The following BMPR1B variants were observed in gnomAD, a reference collection of about 807,000 sequenced individuals.
BMPR1B encodes the protein bone morphogenetic protein receptor type-1B.
BMPR1B carries 12 observed loss-of-function variants against 59.1 expected under a neutral mutation model. That is an observed-to-expected ratio of 0.20 (90% CI 0.13 to 0.33). The LOEUF is 0.33. BMPR1B is among the 10% of genes least tolerant of loss of function. BMPR1B has a pLI of 1.00. For missense variants in BMPR1B, 550 were observed against 610.9 expected (o/e 0.90, Z 1.05); for synonymous variants, 237 against 207.3 (o/e 1.14, Z -1.23).
chr4:95,116,569 A>G (rs1732080518), intron 6 of BMPR1B, among the ~76,000 whole-genome samples: 2 of 151,748 alleles, frequency 1.3e-5, no homozygotes, highest in African/African-American at 4.8e-5. Flanking sequence ...AATCTTTCCA[A>G]CAAAACATAA....
At chr4:94,888,842 T>C (rs537351798) in intron 2 of BMPR1B, among the ~76,000 whole-genome samples, 165 of 152,202 alleles carry the variant, frequency 1.1e-3, no homozygotes, top group African/African-American at 3.5e-3. Context: ...ATTAATGATA[T>C]ACTTCTAATA....
chr4:95,152,892 C>T (rs778243620), intron 12 of BMPR1B, 119 bp downstream of exon 12: 44 of 1,231,702 alleles, frequency 3.6e-5, no homozygotes, highest in South Asian at 6.6e-5. Flanking sequence ...ATGGTGATGG[C>T]GCCTCATTGC....
At chr4:95,049,961 T>C (rs1312692909) in intron 3 of BMPR1B, among the ~76,000 whole-genome samples, 2 of 152,078 alleles carry the variant, frequency 1.3e-5, no homozygotes, top group Non-Finnish European at 2.9e-5. Flanking sequence ...ATTCTGTCTT[T>C]AACTTTCAGC....
chr4:95,038,950 AT>A (rs1725453935), intron 3 of BMPR1B, among the ~76,000 whole-genome samples: 1 of 152,184 alleles, frequency 6.6e-6, no homozygotes, highest in African/African-American at 2.4e-5. Context: ...AAACCTTAGG[AT>A]AACTCACTGC....
intron 10 of BMPR1B, among the ~76,000 whole-genome samples, chr4:95,133,887 T>TG (rs889379902): frequency 1.5e-3 from 233 of 151,938 alleles, no homozygotes; most frequent in African/African-American, 5.4e-3. Flanking sequence ...TGTTTTTTTT[T>TG]TCATTATACT....
intron 3 of BMPR1B, among the ~76,000 whole-genome samples, chr4:95,024,531 T>C (rs749866124): frequency 3.9e-5 from 6 of 152,328 alleles, no homozygotes; most frequent in Non-Finnish European, 8.8e-5. Context: ...AAGGGCTTAT[T>C]GTCACATCAT....
intron 1 of BMPR1B, among the ~76,000 whole-genome samples, chr4:94,846,695 A>T (rs1433868115): frequency 6.6e-6 from 1 of 152,064 alleles, no homozygotes; most frequent in African/African-American, 2.4e-5. Context: ...ACTCCCCTTT[A>T]TATGTATATA....
rs1724896466 is a variant in BMPR1B at position 94,838,109 on chromosome 4, C to T, written c.-182-37722C>T. Among the ~76,000 whole-genome samples the T allele has an allele frequency of 1.4e-5, 2 of 144,056 alleles. 1 individual carries two copies. The highest frequency in any genetic ancestry group is 4.6e-4 in the South Asian group (2 of 4,366). 94.5% of individuals were successfully genotyped at this position (144,056 alleles called of 152,430 possible). On this transcript the variant is annotated intron_variant, in intron 1 of 12. Coordinates refer to ENST00000515059, the MANE Select transcript of BMPR1B (RefSeq NM_001203.3). ...CAGTCTTGCATCCCAGGGATGAAGC[C>T]CACTTAATCATGGTGGATAAGCTTT...
chr4:95,084,685 C>T (rs1359961821), intron 3 of BMPR1B, among the ~76,000 whole-genome samples: 1 of 152,226 alleles, frequency 6.6e-6, no homozygotes, highest in Non-Finnish European at 1.5e-5. Flanking sequence ...TGCGGCATTA[C>T]TACATTACAG....
chr4:94,845,985 A>G (rs1725309808), intron 1 of BMPR1B, among the ~76,000 whole-genome samples: 1 of 152,228 alleles, frequency 6.6e-6, no homozygotes, highest in Admixed American at 6.5e-5. Context: ...AGAAAATTTC[A>G]GTGGAACAGA....
intron 3 of BMPR1B, among the ~76,000 whole-genome samples, chr4:95,057,393 C>T (rs149627466): frequency 9.5e-4 from 144 of 152,152 alleles, no homozygotes; most frequent in South Asian, 1.7e-3. Flanking sequence ...TACAGGCACA[C>T]GCCACCACGC....
In BMPR1B at chr4:94,821,214, A is replaced by G. The variant is rs1275026578; in HGVS notation, c.-182-54617A>G. 2.0e-5 allele frequency among the ~76,000 whole-genome samples: 3 copies of G among 152,192 alleles called. No homozygotes were observed. In the East Asian group the frequency reaches 5.8e-4, roughly 29 times the overall value. On this transcript the variant is annotated intron_variant, in intron 1 of 12. Transcript: ENST00000515059. ...TTCTTTTGAAATTAAATTTATTGCC[A>G]CAGAAAATTGTGGTGAAAATAAAGC... is the stretch of plus-strand genomic sequence containing the variant.
chr4:94,759,717 G>A (rs1270638525), intron 1 of BMPR1B, among the ~76,000 whole-genome samples: 1 of 152,166 alleles, frequency 6.6e-6, no homozygotes, highest in African/African-American at 2.4e-5. Flanking sequence ...GAGACATGCC[G>A]GTGATCAATA....
At chr4:95,046,131 C>G (rs568260713) in intron 3 of BMPR1B, among the ~76,000 whole-genome samples, 14 of 152,060 alleles carry the variant, frequency 9.2e-5, no homozygotes, top group Admixed American at 2.0e-4. Flanking sequence ...TCTCGAACCC[C>G]TGGGCTCAAT....
chr4:94,942,044 A>G (rs1161455849), intron 2 of BMPR1B, among the ~76,000 whole-genome samples: 1 of 152,258 alleles, frequency 6.6e-6, no homozygotes, highest in African/African-American at 2.4e-5. Context: ...GAAGAGTCTA[A>G]TTTGAGGCTT....
chr4:94,807,429 G>A (rs914527018), intron 1 of BMPR1B, among the ~76,000 whole-genome samples: 6 of 152,072 alleles, frequency 3.9e-5, no homozygotes, highest in African/African-American at 1.4e-4. Flanking sequence ...CTGGGTTTTG[G>A]GGGAGAGGTG....
intron 3 of BMPR1B, among the ~76,000 whole-genome samples, chr4:95,081,772 G>A (rs1051676220): frequency 6.6e-6 from 1 of 152,022 alleles, no homozygotes; most frequent in Non-Finnish European, 1.5e-5. Flanking sequence ...TATTAAAATA[G>A]CCTCCTAACT....
chr4:94,898,090 G>A (rs551558487), intron 2 of BMPR1B, among the ~76,000 whole-genome samples: 8 of 151,458 alleles, frequency 5.3e-5, no homozygotes, highest in African/African-American at 1.9e-4. Flanking sequence ...GGGACTACAC[G>A]TGCATGCTAC....
chr4:94,970,251 CTT>C (rs1730722391), intron 2 of BMPR1B, among the ~76,000 whole-genome samples: 1 of 87,806 alleles, frequency 1.1e-5, no homozygotes, highest in East Asian at 3.2e-4. Context: ...CTTCTCTTCT[CTT>C]CTCTTCTCTT....
Sources: gnomAD v4.1 joint callset for allele counts (sites outside exome capture counted in the v4.1 genomes callset) on GRCh38, gnomAD v4.1.1 for gene constraint, MANE v1.5 for transcripts, NCBI Gene and HGNC (gene_info 2026-07-23, HGNC 2026-07-21) for gene names.